USP44: variants seen among roughly 807,000 people sequenced by gnomAD.
USP44 encodes the protein ubiquitin specific peptidase 44, also known as ubiquitin carboxyl-terminal hydrolase 44.
USP44 carries 61 observed loss-of-function variants against 69.0 expected under a neutral mutation model. The observed-to-expected ratio is 0.88, with a 90% CI of 0.72 to 1.09. The LOEUF (loss-of-function observed/expected upper bound fraction) is 1.09. Among genes scored for constraint, USP44 ranks in the 50% least tolerant of loss-of-function variants. USP44 has a pLI of 0.00. For missense variants in USP44, 753 were observed against 849.9 expected, an observed-to-expected ratio of 0.89 and a Z score of 1.42; for synonymous variants, 297 against 295.4, an observed-to-expected ratio of 1.01 and a Z score of -0.06.
chr12:95,529,068 A>T (rs867282380), intron 2 of USP44, 66 bp from the exon 3 acceptor site: 31 of 1,382,046 alleles, frequency 2.2e-5, no homozygotes, highest in Middle Eastern at 2.6e-4. Flanking sequence ...TCTTTTCACT[A>T]GAGGTCACTG....
intron 1 of USP44, among the ~76,000 whole-genome samples, chr12:95,543,653 A>T (rs1565840117): frequency 6.6e-6 from 1 of 151,830 alleles, no homozygotes; most frequent in Non-Finnish European, 1.5e-5. Flanking sequence ...AAGGGTAGCT[A>T]AATTTTTTTT....
At chr12:95,531,721 A>G (rs1308276300) in intron 2 of USP44, among the ~76,000 whole-genome samples, 3 of 152,244 alleles carry the variant, frequency 2.0e-5, no homozygotes, top group Non-Finnish European at 4.4e-5. Flanking sequence ...AGTATGCTAT[A>G]AAAACAAAAG....
chr12:95,547,229 T>C (rs2077601810), intron 1 of USP44, among the ~76,000 whole-genome samples: 1 of 152,236 alleles, frequency 6.6e-6, no homozygotes, highest in Non-Finnish European at 1.5e-5. Context: ...TTCTAAACTG[T>C]ATGCACTGGA....
chr12:95,522,952 A>G (rs2076714788), intron 4 of USP44, among the ~76,000 whole-genome samples: 1 of 152,048 alleles, frequency 6.6e-6, no homozygotes, highest in Non-Finnish European at 1.5e-5. Context: ...CCCAAAGGGA[A>G]TGGGGCTGAA....
intron 1 of USP44, among the ~76,000 whole-genome samples, chr12:95,537,200 C>T (rs1251716889): frequency 6.6e-6 from 1 of 152,040 alleles, no homozygotes. Context: ...AGAATTTACT[C>T]AATTTGGAGG....
At chr12:95,540,225 C>T (rs1410122602) in intron 1 of USP44, among the ~76,000 whole-genome samples, 1 of 152,100 alleles carries the variant, frequency 6.6e-6, no homozygotes, top group East Asian at 1.9e-4. Context: ...ACCTACGCAA[C>T]TTACCTTCCC....
chr12:95,530,646 T>TATAG (rs56051106), intron 2 of USP44, among the ~76,000 whole-genome samples: 52,097 of 147,206 alleles, frequency 0.35, 9,348 homozygotes, highest in East Asian at 0.42. Context: ...CTACTGGAAA[T>TATAG]ATAGATAGAT....
intron 2 of USP44, among the ~76,000 whole-genome samples, chr12:95,530,348 T>C (rs554248998): frequency 6.2e-4 from 95 of 152,042 alleles, no homozygotes; most frequent in Non-Finnish European, 9.9e-4. Context: ...AGTCTGGGTG[T>C]AGTGGCTCAT....
At chr12:95,529,360 TAC>T (rs910288816) in intron 2 of USP44, among the ~76,000 whole-genome samples, 1 of 152,104 alleles carries the variant, frequency 6.6e-6, no homozygotes, top group African/African-American at 2.4e-5. Flanking sequence ...ACATATGATG[TAC>T]ATTCACATGC....
chr12:95,546,629 A>G (rs1294635330), intron 1 of USP44: 4 of 152,162 alleles, frequency 2.6e-5, no homozygotes, highest in Non-Finnish European at 4.4e-5. Flanking sequence ...CCTGGACCAG[A>G]CAACTCCATT....
At chr12:95,522,054 C>T (rs1333684029) in intron 4 of USP44, 9 of 985,296 alleles carry the variant, frequency 9.1e-6, no homozygotes, top group African/African-American at 3.5e-5. Flanking sequence ...GCTGGTCATA[C>T]TTCCCATTAC....
chr12:95,531,147 G>C (rs1031309192), intron 2 of USP44, among the ~76,000 whole-genome samples: 1 of 151,866 alleles, frequency 6.6e-6, no homozygotes, highest in Non-Finnish European at 1.5e-5. Context: ...CTGGGCAACA[G>C]AGTGAGACTC....
At chr12:95,541,072 G>A (rs1350166118) in intron 1 of USP44, among the ~76,000 whole-genome samples, 1 of 152,156 alleles carries the variant, frequency 6.6e-6, no homozygotes, top group Admixed American at 6.5e-5. Flanking sequence ...GAGGTCAGGA[G>A]TTCAAGACCA....
At chr12:95,532,808 A>G in intron 2 of USP44, 21 bp downstream of exon 2, 2 of 1,542,632 alleles carry the variant, frequency 1.3e-6, no homozygotes, top group Non-Finnish European at 8.7e-7. Context: ...TGATGAAAAT[A>G]AGATTCTTAA....
chr12:95,521,144 A>C lies in USP44; in HGVS notation c.1792T>G (p.Leu598Val), dbSNP rs753934878. Residue 598 changes from leucine (L) to valine (V), a missense_variant, in exon 5 of 6, where the codon TTA becomes GTA. Transcript: ENST00000258499. The part of the protein sequence containing the change: ...IGVHVGFEEI[L>V]NMEPYCCRET... ...CTGCAGCAATAGGGCTCCATGTTTA[A>C]GATTTCCTCAAAGCCAACATGAACA... The C allele has an allele frequency of 1.2e-6, 2 of 1,614,196 alleles. No individual in the cohort carries two copies. The highest frequency in any genetic ancestry group is 1.7e-6 in the Non-Finnish European group (2 of 1,180,038).
chr12:95,519,096 G>C (rs1423360727), intron 5 of USP44, among the ~76,000 whole-genome samples: 2 of 152,116 alleles, frequency 1.3e-5, no homozygotes, highest in Non-Finnish European at 2.9e-5. Flanking sequence ...GTATGCTAAT[G>C]ACTGCTTATA....
intron 4 of USP44, among the ~76,000 whole-genome samples, chr12:95,522,778 CAAA>C (rs36010747): frequency 0.037 from 3,640 of 99,032 alleles, 159 homozygotes; most frequent in African/African-American, 0.13. Flanking sequence ...AATTCTGGCT[CAAA>C]AAAAAAAAAA....
At chr12:95,539,387 A>G (rs1185645152) in intron 1 of USP44, among the ~76,000 whole-genome samples, 4 of 151,890 alleles carry the variant, frequency 2.6e-5, no homozygotes, top group African/African-American at 7.3e-5. Flanking sequence ...CACCACACCC[A>G]GCTAATTTTT....
chr12:95,529,028 A>G, intron 2 of USP44, 26 bp from the exon 3 acceptor site: 1 of 1,570,056 alleles, frequency 6.4e-7, no homozygotes, highest in Non-Finnish European at 8.6e-7. Flanking sequence ...TGAGTTCCTA[A>G]GATTATAATC....
Sources: gnomAD v4.1 joint callset for allele counts (sites outside exome capture counted in the v4.1 genomes callset) on GRCh38, gnomAD v4.1.1 for gene constraint, MANE v1.5 for transcripts, NCBI Gene and HGNC (gene_info 2026-07-23, HGNC 2026-07-21) for gene names.